ROBO2: variants seen among roughly 807,000 people sequenced by gnomAD.
The protein encoded by ROBO2 is roundabout homolog 2.
Under a neutral mutation model 160.8 loss-of-function variants are expected in ROBO2, and 53 were observed. The ratio of observed to expected loss-of-function variants is 0.33; its 90% CI spans 0.26 to 0.41. The LOEUF (loss-of-function observed/expected upper bound fraction) is 0.41, where lower values mean the gene tolerates loss of function less well. ROBO2 is among the 10% of genes least tolerant of loss of function. The pLI is 1.00. For missense variants in ROBO2, 1,577 were observed against 1,722.4 expected, an observed-to-expected ratio of 0.92 and a Z score of 1.49; for synonymous variants, 664 against 611.7, an observed-to-expected ratio of 1.09 and a Z score of -1.26.
chr3:76,249,557 T>C (rs1471281163), intron 2 of ROBO2, among the ~76,000 whole-genome samples: 1 of 152,232 alleles, frequency 6.6e-6, no homozygotes, highest in Non-Finnish European at 1.5e-5. Context: ...AGGCAAAACT[T>C]TTCTGTTGCA....
At chr3:76,483,957 G>A (rs2079350480) in intron 2 of ROBO2, among the ~76,000 whole-genome samples, 1 of 152,008 alleles carries the variant, frequency 6.6e-6, no homozygotes, top group Admixed American at 6.6e-5. Flanking sequence ...TCTTTATCCG[G>A]TCTATCACTG....
chr3:76,856,818 T>C (rs2070144922), intron 2 of ROBO2, among the ~76,000 whole-genome samples: 1 of 152,188 alleles, frequency 6.6e-6, no homozygotes, highest in Admixed American at 6.5e-5. Context: ...CAACCCTGTA[T>C]TAGCAGACAG....
At chr3:77,219,515 C>CTG (rs1170126269) in intron 2 of ROBO2, among the ~76,000 whole-genome samples, 5 of 81,394 alleles carry the variant, frequency 6.1e-5, no homozygotes, top group Admixed American at 1.3e-4. Flanking sequence ...ATATATATAT[C>CTG]TGTGTGTGTG....
intron 2 of ROBO2, among the ~76,000 whole-genome samples, chr3:76,204,728 A>C (rs949706367): frequency 6.6e-6 from 1 of 152,164 alleles, no homozygotes; most frequent in African/African-American, 2.4e-5. Context: ...TTTGTCTCCT[A>C]TTGGCTACAT....
At chr3:76,804,760 A>C (rs1449423853) in intron 2 of ROBO2, among the ~76,000 whole-genome samples, 1 of 152,186 alleles carries the variant, frequency 6.6e-6, no homozygotes, top group Non-Finnish European at 1.5e-5. Flanking sequence ...GTTAACGTTT[A>C]CTGAGTACTA....
chr3:77,137,182 C>G (rs1358424204), intron 2 of ROBO2, among the ~76,000 whole-genome samples: 1 of 152,168 alleles, frequency 6.6e-6, no homozygotes, highest in East Asian at 1.9e-4. Context: ...AGTGTTGTTA[C>G]TTCTTAGCTT....
intron 2 of ROBO2, among the ~76,000 whole-genome samples, chr3:76,189,817 A>C (rs1353584302): frequency 6.6e-6 from 1 of 152,084 alleles, no homozygotes; most frequent in African/African-American, 2.4e-5. Flanking sequence ...CTTCTTTGAA[A>C]TAACACAAAG....
intron 2 of ROBO2, among the ~76,000 whole-genome samples, chr3:77,141,631 G>T (rs2076712731): frequency 6.6e-6 from 1 of 152,130 alleles, no homozygotes; most frequent in South Asian, 2.1e-4. Context: ...TGGACTGCCT[G>T]TGCATCTTTG....
intron 2 of ROBO2, among the ~76,000 whole-genome samples, chr3:76,854,242 G>A: frequency 6.6e-6 from 1 of 151,956 alleles, no homozygotes; most frequent in East Asian, 1.9e-4. Flanking sequence ...GATGAACCAT[G>A]ATTTATATAA....
intron 2 of ROBO2, among the ~76,000 whole-genome samples, chr3:76,938,696 G>A (rs2077920677): frequency 6.6e-6 from 1 of 151,944 alleles, no homozygotes; most frequent in Non-Finnish European, 1.5e-5. Flanking sequence ...CCGGCCAGGC[G>A]CGGTGGCTCA....
intron 2 of ROBO2, among the ~76,000 whole-genome samples, chr3:76,612,621 GT>G (rs2088222301): frequency 6.6e-6 from 1 of 152,106 alleles, no homozygotes; most frequent in Non-Finnish European, 1.5e-5. Context: ...TAGATAATGG[GT>G]TGATAGGTGC....
intron 2 of ROBO2, among the ~76,000 whole-genome samples, chr3:76,899,787 A>G (rs2075088805): frequency 6.6e-6 from 1 of 152,130 alleles, no homozygotes; most frequent in African/African-American, 2.4e-5. Flanking sequence ...TTTAAGTCAC[A>G]GAAACAAAAT....
At chr3:76,687,162 T>G (rs1192962457) in intron 2 of ROBO2, among the ~76,000 whole-genome samples, 1 of 152,116 alleles carries the variant, frequency 6.6e-6, no homozygotes, top group Non-Finnish European at 1.5e-5. Flanking sequence ...CATGAATAAG[T>G]GCAATATTTT....
At chr3:77,279,404 T>C (rs2060100989) in intron 2 of ROBO2, among the ~76,000 whole-genome samples, 1 of 152,142 alleles carries the variant, frequency 6.6e-6, no homozygotes, top group Non-Finnish European at 1.5e-5. Flanking sequence ...GAGAAAAAGT[T>C]TGTAATTAAC....
rs182662275 is a variant in ROBO2 at position 76,052,953 on chromosome 3, T to C, written c.109+115351T>C. ...TCTGGATTTTTTTCCTTAAGAAATATAACCTTTGGTTATTTATATTTTAAA... is the reference window on the plus strand; with the variant it reads ...TCTGGATTTTTTTCCTTAAGAAATACAACCTTTGGTTATTTATATTTTAAA... On this transcript the variant is annotated intron_variant, in intron 2 of 26. Transcript: ENST00000487694. Among the ~76,000 whole-genome samples, 6 of 152,144 alleles carry C rather than the reference T, an allele frequency of 3.9e-5. No homozygotes were observed. In the South Asian group the frequency reaches 1.2e-3, roughly 31 times the overall value.
intron 2 of ROBO2, among the ~76,000 whole-genome samples, chr3:76,874,129 G>C (rs548078549): frequency 3.2e-4 from 49 of 151,954 alleles, no homozygotes; most frequent in Admixed American, 6.5e-4. Context: ...TTTGAGAAAA[G>C]GAATTTAAGT....
chr3:76,066,012 T>A (rs2068243329), intron 2 of ROBO2, among the ~76,000 whole-genome samples: 5 of 151,938 alleles, frequency 3.3e-5, no homozygotes, highest in Non-Finnish European at 7.4e-5. Flanking sequence ...TGCTTTGTGT[T>A]CCAAGAATTC....
chr3:77,322,798 ATATAT>A (rs1333603848), intron 2 of ROBO2, among the ~76,000 whole-genome samples: 5 of 133,042 alleles, frequency 3.8e-5, no homozygotes, highest in South Asian at 2.2e-4. Flanking sequence ...ATATTATGTA[ATATAT>A]TATATTATAC....
chr3:76,296,090 A>T (rs528288244), intron 2 of ROBO2, among the ~76,000 whole-genome samples: 1 of 152,322 alleles, frequency 6.6e-6, no homozygotes, highest in Admixed American at 6.5e-5. Context: ...CATCGTGGAT[A>T]TCTGGTTGGG....
Sources: allele counts gnomAD v4.1 joint callset (sites outside exome capture counted in the v4.1 genomes callset), GRCh38; gene constraint gnomAD v4.1.1; transcripts MANE v1.5; gene names NCBI Gene and HGNC (gene_info 2026-07-23, HGNC 2026-07-21).